RPS6KC1: variants seen among roughly 807,000 people sequenced by gnomAD.
RPS6KC1 encodes the protein ribosomal protein S6 kinase C1.
Under a neutral mutation model 103.8 loss-of-function variants are expected in RPS6KC1, and 54 were observed. The observed-to-expected ratio is 0.52, with a 90% CI of 0.42 to 0.65. The LOEUF is 0.65. Ranked by LOEUF, RPS6KC1 falls within the 30% of genes least tolerant of loss-of-function variation. RPS6KC1 has a pLI of 0.00. For missense variants in RPS6KC1, 1,151 were observed against 1,253.8 expected (o/e 0.92, Z 1.24); for synonymous variants, 439 against 438.7 (o/e 1.00, Z -0.01).
chr1:213,627,633 G>A, the RPS6KC1 span, among the ~76,000 whole-genome samples: 1 of 152,180 alleles, frequency 6.6e-6, no homozygotes, highest in Non-Finnish European at 1.5e-5. Flanking sequence ...TTAGCATGAA[G>A]GGCTGTTGAA....
At chr1:213,300,693 T>G in the RPS6KC1 span, among the ~76,000 whole-genome samples, 1 of 152,214 alleles carries the variant, frequency 6.6e-6, no homozygotes, top group African/African-American at 2.4e-5. Context: ...ATCTGCTGGT[T>G]GTTTCTCTTA....
the RPS6KC1 span, among the ~76,000 whole-genome samples, chr1:213,746,121 A>G: frequency 1.3e-5 from 2 of 152,260 alleles, no homozygotes; most frequent in African/African-American, 4.8e-5. Flanking sequence ...TAGTGAGAGA[A>G]GATGGGCAAT....
chr1:213,846,212 A>G, the RPS6KC1 span, among the ~76,000 whole-genome samples: 1 of 151,882 alleles, frequency 6.6e-6, no homozygotes, highest in Non-Finnish European at 1.5e-5. Flanking sequence ...AGGCAGGAGA[A>G]TCACTTGAAC....
intron 8 of RPS6KC1, among the ~76,000 whole-genome samples, chr1:213,186,060 A>T (rs377608535): frequency 1.3e-5 from 2 of 151,664 alleles, no homozygotes; most frequent in East Asian, 3.9e-4. Context: ...TAGTTGTCTC[A>T]CTTTTCATTT....
At chr1:213,181,583 A>G (rs1382848958) in intron 8 of RPS6KC1, among the ~76,000 whole-genome samples, 3 of 152,352 alleles carry the variant, frequency 2.0e-5, no homozygotes, top group Admixed American at 6.5e-5. Flanking sequence ...TAATATGTGG[A>G]AAAACATGTA....
the RPS6KC1 span, among the ~76,000 whole-genome samples, chr1:213,415,806 C>T: frequency 2.0e-5 from 3 of 152,180 alleles, no homozygotes; most frequent in South Asian, 2.1e-4. Flanking sequence ...GTAATTACCT[C>T]GCTTCTAAAT....
chr1:213,170,773 C>T (rs151101658), intron 7 of RPS6KC1, among the ~76,000 whole-genome samples: 35 of 152,312 alleles, frequency 2.3e-4, no homozygotes, highest in African/African-American at 8.4e-4. Context: ...ATTATTTTCT[C>T]ATGTATAATT....
intron 4 of RPS6KC1, among the ~76,000 whole-genome samples, chr1:213,108,574 A>G (rs1021833779): frequency 1.3e-5 from 2 of 151,928 alleles, no homozygotes; most frequent in African/African-American, 4.8e-5. Flanking sequence ...TTGAACTTCC[A>G]TAAAAATTTT....
chr1:213,792,566 A>C, the RPS6KC1 span, among the ~76,000 whole-genome samples: 44 of 152,266 alleles, frequency 2.9e-4, no homozygotes, highest in Non-Finnish European at 5.7e-4. Context: ...ATGGGCTCTT[A>C]ATCGGATGCT....
intron 3 of RPS6KC1, among the ~76,000 whole-genome samples, chr1:213,091,568 G>A (rs1218696593): frequency 9.9e-5 from 15 of 152,276 alleles, no homozygotes; most frequent in Admixed American, 9.2e-4. Flanking sequence ...GTAACACCAT[G>A]TATTGGTCAT....
the RPS6KC1 span, among the ~76,000 whole-genome samples, chr1:213,721,408 C>T: frequency 6.6e-6 from 1 of 152,156 alleles, no homozygotes. Flanking sequence ...ATAAATCTCA[C>T]AGAATCTGAT....
At chr1:213,352,735 T>A in the RPS6KC1 span, among the ~76,000 whole-genome samples, 1 of 152,214 alleles carries the variant, frequency 6.6e-6, no homozygotes, top group African/African-American at 2.4e-5. Flanking sequence ...TCCCTATGAT[T>A]GATCTATGAT....
chr1:213,836,557 A>G, the RPS6KC1 span, among the ~76,000 whole-genome samples: 2 of 147,658 alleles, frequency 1.4e-5, no homozygotes, highest in Admixed American at 1.4e-4. Context: ...ATCACTTTCT[A>G]ATTGATGTGA....
At chr1:213,105,145 C>T (rs557097979) in intron 4 of RPS6KC1, among the ~76,000 whole-genome samples, 1 of 150,000 alleles carries the variant, frequency 6.7e-6, no homozygotes, top group Non-Finnish European at 1.5e-5. Flanking sequence ...CAGGCCAGTG[C>T]AAATTATATT....
At chr1:213,323,713 T>A in the RPS6KC1 span, among the ~76,000 whole-genome samples, 1,115 of 152,334 alleles carry the variant, frequency 7.3e-3, 14 homozygotes, top group African/African-American at 0.025. Context: ...TATTTTTTTT[T>A]AGAGCAGTTT....
the RPS6KC1 span, among the ~76,000 whole-genome samples, chr1:213,397,798 G>T: frequency 6.6e-6 from 1 of 152,162 alleles, no homozygotes; most frequent in African/African-American, 2.4e-5. Flanking sequence ...TAGAGCCAAT[G>T]GGGTCAGGTT....
At chr1:213,237,105 C>T (rs546935650) in intron 10 of RPS6KC1, among the ~76,000 whole-genome samples, 1 of 152,054 alleles carries the variant, frequency 6.6e-6, no homozygotes, top group South Asian at 2.1e-4. Context: ...TTACATATTG[C>T]CTTGAGCTTG....
chr1:213,822,537 C>T, the RPS6KC1 span: 1 of 152,260 alleles, frequency 6.6e-6, no homozygotes, highest in Non-Finnish European at 1.5e-5. Flanking sequence ...ACTTCAGACT[C>T]TTACCCAGCT....
chr1:213,180,138 A>G (rs1387844810), intron 8 of RPS6KC1, among the ~76,000 whole-genome samples: 1 of 152,020 alleles, frequency 6.6e-6, no homozygotes, highest in Non-Finnish European at 1.5e-5. Flanking sequence ...AATAGCCAGA[A>G]AACAAGGAAA....
Sources: allele counts gnomAD v4.1 joint callset (sites outside exome capture counted in the v4.1 genomes callset), GRCh38; gene constraint gnomAD v4.1.1; transcripts MANE v1.5; gene names NCBI Gene and HGNC (gene_info 2026-07-23, HGNC 2026-07-21).